Variants in DIAPH2 observed in about 807,000 individuals in gnomAD.
DIAPH2 encodes protein diaphanous homolog 2.
In DIAPH2, 35 loss-of-function variants were observed where a neutral mutation model predicts 92.7. The ratio of observed to expected loss-of-function variants is 0.38; its 90% CI spans 0.29 to 0.50. DIAPH2 has a LOEUF of 0.50. Ranked by LOEUF, DIAPH2 falls within the 20% of genes least tolerant of loss-of-function variation. The pLI is 0.94. For missense variants in DIAPH2, 701 were observed against 819.5 expected, an observed-to-expected ratio of 0.86 and a Z score of 1.77; for synonymous variants, 301 against 280.4, an observed-to-expected ratio of 1.07 and a Z score of -0.73.
In DIAPH2 at chrX:97,185,353, G is replaced by GTATATATATATGTATATATATATA. The variant is rs1387950279; in HGVS notation, c.2719+43560_2719+43561insATATATATATGTATATATATATAT. On this transcript the variant is annotated intron_variant, in intron 22 of 26. Transcript: ENST00000324765. ...TATATATATATATGTATATATATAT[G>GTATATATATATGTATATATATATA]TGTGTATATATATATGTATATATAT... Among the ~76,000 whole-genome samples the GTATATATATATGTATATATATATA allele has an allele frequency of 1.4e-3, 25 of 18,400 alleles. 2 individuals carry two copies. Among genetic ancestry groups the GTATATATATATGTATATATATATA allele is most frequent in the African/African-American group, 4.8e-3 (8 of 1,673 alleles). The allele number at this position is 18,400 out of a possible 115,157, so 16.0% of individuals were successfully genotyped here.
chrX:97,384,868 AAAATAAAT>A (rs545581528), intron 25 of DIAPH2, among the ~76,000 whole-genome samples: 275 of 107,820 alleles, frequency 2.6e-3, no homozygotes, highest in African/African-American at 7.6e-3. Context: ...TGTATCTCAA[AAAATAAAT>A]AAATAAATAA....
intron 21 of DIAPH2, among the ~76,000 whole-genome samples, chrX:97,122,195 AT>A (rs1332519197): frequency 8.9e-6 from 1 of 111,895 alleles, no homozygotes; most frequent in Non-Finnish European, 1.9e-5. Context: ...GCTCTCTGGC[AT>A]GAAACTTGGA....
chrX:97,161,381 G>A (rs1374748481), intron 22 of DIAPH2, among the ~76,000 whole-genome samples: 4 of 110,713 alleles, frequency 3.6e-5, no homozygotes, highest in Non-Finnish European at 5.7e-5. Context: ...TGTTATACTG[G>A]ACTTCAAAAG....
At chrX:97,103,697 AGT>A (rs1260130437) in intron 20 of DIAPH2, among the ~76,000 whole-genome samples, 1 of 111,719 alleles carries the variant, frequency 9.0e-6, no homozygotes, top group Non-Finnish European at 1.9e-5. Flanking sequence ...ATGTTTCTAG[AGT>A]GTATCTGTAT....
chrX:97,114,074 T>C (rs1028983005), intron 20 of DIAPH2, among the ~76,000 whole-genome samples: 4 of 112,183 alleles, frequency 3.6e-5, no homozygotes, highest in Non-Finnish European at 7.5e-5. Flanking sequence ...AGAAAACCAA[T>C]GTAGAATTCT....
intron 1 of DIAPH2, among the ~76,000 whole-genome samples, chrX:96,713,837 T>C (rs1482352643): frequency 8.9e-6 from 1 of 111,978 alleles, no homozygotes; most frequent in Non-Finnish European, 1.9e-5. Flanking sequence ...TTTGTAGCAC[T>C]GTATGATATT....
At chrX:97,240,063 C>CT (rs954005823) in intron 22 of DIAPH2, among the ~76,000 whole-genome samples, 10 of 110,099 alleles carry the variant, frequency 9.1e-5, no homozygotes, top group Non-Finnish European at 1.3e-4. Context: ...TTTTCTAATA[C>CT]TTTTTTTTTG....
At chrX:97,532,440 T>C (rs1202364529) in intron 26 of DIAPH2, among the ~76,000 whole-genome samples, 1 of 112,805 alleles carries the variant, frequency 8.9e-6, no homozygotes, top group East Asian at 2.8e-4. Flanking sequence ...TCACTAAATC[T>C]GATTCTATCT....
chrX:96,861,303 A>G (rs1452064924), intron 4 of DIAPH2, among the ~76,000 whole-genome samples: 4 of 111,680 alleles, frequency 3.6e-5, no homozygotes, highest in Non-Finnish European at 7.5e-5. Flanking sequence ...ACAGCAACAT[A>G]CGTGTCCCTT....
chrX:97,485,197 T>A (rs2070679475), intron 26 of DIAPH2, among the ~76,000 whole-genome samples: 1 of 111,879 alleles, frequency 8.9e-6, no homozygotes, highest in African/African-American at 3.2e-5. Flanking sequence ...CACCCAAAGA[T>A]AATTCATCAA....
intron 1 of DIAPH2, among the ~76,000 whole-genome samples, chrX:96,733,967 A>G (rs1345074302): frequency 8.9e-6 from 1 of 111,985 alleles, no homozygotes; most frequent in East Asian, 2.8e-4. Context: ...TTCTACCTCT[A>G]TACTCTGTGG....
At chrX:97,242,489 G>A (rs1482249402) in intron 22 of DIAPH2, among the ~76,000 whole-genome samples, 4 of 109,577 alleles carry the variant, frequency 3.7e-5, no homozygotes, top group Non-Finnish European at 3.8e-5. Flanking sequence ...TCAGTCTCCC[G>A]AGTATCTGGG....
chrX:96,818,192 G>T (rs1465955227), intron 4 of DIAPH2, among the ~76,000 whole-genome samples: 2 of 102,819 alleles, frequency 1.9e-5, no homozygotes, highest in Non-Finnish European at 3.9e-5. Context: ...TGTTGGCCGG[G>T]ATGGTCACGA....
At chrX:96,927,282 ATTTTTTTTT>A (rs5903060) in intron 9 of DIAPH2, among the ~76,000 whole-genome samples, 28 of 82,152 alleles carry the variant, frequency 3.4e-4, no homozygotes, top group Non-Finnish European at 4.3e-4. Context: ...CTGGAGTTGA[ATTTTTTTTT>A]TTTTTTTTTT....
chrX:97,159,834 C>T (rs2067353779), intron 22 of DIAPH2, among the ~76,000 whole-genome samples: 1 of 111,595 alleles, frequency 9.0e-6, no homozygotes, highest in African/African-American at 3.3e-5. Context: ...CCTATAATTT[C>T]TCAAACCAGT....
chrX:97,171,043 A>G (rs1209244557), intron 22 of DIAPH2, among the ~76,000 whole-genome samples: 1 of 110,333 alleles, frequency 9.1e-6, no homozygotes, highest in Non-Finnish European at 1.9e-5. Context: ...CACCCGGCTA[A>G]TTGTATTTTC....
rs1451082826 is a variant in DIAPH2 at position 96,940,790 on chromosome X, T to C, written c.1326-1228T>C. Among the ~76,000 whole-genome samples the C allele has an allele frequency of 2.7e-5, 3 of 111,962 alleles. No individual in the cohort carries two copies. In the East Asian group the frequency reaches 8.4e-4, roughly 31 times the overall value. ...TCTAACAAATTTAAAAGGGGTACTG[T>C]GCCCAAAGGTACTCAGTTACCTGGG... On this transcript the variant is annotated intron_variant, in intron 12 of 26. Transcript: ENST00000324765.
At chrX:97,201,348 G>C (rs2067747999) in intron 22 of DIAPH2, among the ~76,000 whole-genome samples, 1 of 108,707 alleles carries the variant, frequency 9.2e-6, no homozygotes, top group Non-Finnish European at 1.9e-5. Context: ...GACTGCAGAA[G>C]GTGGGCAATA....
intron 11 of DIAPH2, among the ~76,000 whole-genome samples, chrX:96,937,800 T>C (rs1168617242): frequency 8.9e-6 from 1 of 112,197 alleles, no homozygotes; most frequent in Non-Finnish European, 1.9e-5. Context: ...TTCTTAACAA[T>C]AACAAAAATG....
Sources: allele counts gnomAD v4.1 joint callset (sites outside exome capture counted in the v4.1 genomes callset), GRCh38; gene constraint gnomAD v4.1.1; transcripts MANE v1.5; gene names NCBI Gene and HGNC (gene_info 2026-07-23, HGNC 2026-07-21).